SRBD1: variants seen among roughly 807,000 people sequenced by gnomAD.
SRBD1 encodes the protein S1 RNA-binding domain-containing protein 1.
Under a neutral mutation model 115.3 loss-of-function variants are expected in SRBD1, and 88 were observed. The ratio of observed to expected loss-of-function variants is 0.76; its 90% CI spans 0.64 to 0.91. The LOEUF (loss-of-function observed/expected upper bound fraction) is 0.91. Among genes scored for constraint, SRBD1 ranks in the 40% least tolerant of loss-of-function variants. The pLI, the probability that SRBD1 is intolerant of heterozygous loss-of-function variation, is 0.00. For missense variants in SRBD1, 1,385 were observed against 1,177.4 expected (o/e 1.18, Z -2.58); for synonymous variants, 509 against 407.7 (o/e 1.25, Z -2.99).
chr2:45,581,639 C>T, intron 6 of SRBD1, 54 bp downstream of exon 6: 1 of 1,380,564 alleles, frequency 7.2e-7, no homozygotes, highest in South Asian at 1.3e-5. Flanking sequence ...CATAAGAAGA[C>T]CCAAATTGCA....
At chr2:45,449,982 C>T (rs1668944179) in intron 16 of SRBD1, among the ~76,000 whole-genome samples, 2 of 152,052 alleles carry the variant, frequency 1.3e-5, no homozygotes, top group South Asian at 4.2e-4. Context: ...AACCAGGTAT[C>T]ACATACAGCT....
chr2:45,454,346 T>C (rs1027537230), intron 16 of SRBD1, among the ~76,000 whole-genome samples: 2 of 151,900 alleles, frequency 1.3e-5, no homozygotes, highest in Admixed American at 1.3e-4. Flanking sequence ...TTTATCTTTC[T>C]ATATATCACC....
chr2:45,445,078 G>A (rs1421084325), intron 16 of SRBD1, among the ~76,000 whole-genome samples: 1 of 152,174 alleles, frequency 6.6e-6, no homozygotes, highest in South Asian at 2.1e-4. Flanking sequence ...TAATCCAGTA[G>A]AAAAAGCATC....
chr2:45,474,426 G>A (rs1367040422), intron 16 of SRBD1, among the ~76,000 whole-genome samples: 2 of 152,184 alleles, frequency 1.3e-5, no homozygotes, highest in African/African-American at 4.8e-5. Flanking sequence ...GTACATGGCA[G>A]GAATTTATCT....
chr2:45,418,552 A>C lies in SRBD1; in HGVS notation c.2157-11T>G. The C allele has an allele frequency of 6.3e-7, 1 of 1,590,498 alleles. No individual in the cohort carries two copies. ...AGTCCTGCAATATGCCTAGAAAAAA[A>C]AAATAAGCAAACTGAAAAAAAGATC... On this transcript the variant is annotated splice_polypyrimidine_tract_variant and intron_variant, in intron 17 of 20. Coordinates refer to ENST00000263736, the MANE Select transcript of SRBD1 (RefSeq NM_018079.5).
chr2:45,519,168 G>A (rs1671208401), intron 14 of SRBD1, among the ~76,000 whole-genome samples: 1 of 151,888 alleles, frequency 6.6e-6, no homozygotes, highest in Non-Finnish European at 1.5e-5. Context: ...CCTGAAGGAG[G>A]GCACTAAAAA....
chr2:45,501,712 C>T (rs536423737), intron 14 of SRBD1, among the ~76,000 whole-genome samples: 21 of 152,284 alleles, frequency 1.4e-4, no homozygotes, highest in African/African-American at 4.3e-4. Flanking sequence ...AGTCTGAGAT[C>T]GAACTGCAAA....
At chr2:45,412,646 A>C (rs574956037) in intron 19 of SRBD1, among the ~76,000 whole-genome samples, 1 of 152,174 alleles carries the variant, frequency 6.6e-6, no homozygotes, top group Non-Finnish European at 1.5e-5. Context: ...CTTCTACTCA[A>C]AAACTTCCCC....
chr2:45,425,080 A>G (rs1188724192), intron 16 of SRBD1, among the ~76,000 whole-genome samples: 1 of 152,186 alleles, frequency 6.6e-6, no homozygotes, highest in African/African-American at 2.4e-5. Flanking sequence ...GCATCCTGTA[A>G]TAAAATCTCT....
chr2:45,534,877 C>G (rs1318136293), intron 14 of SRBD1, among the ~76,000 whole-genome samples: 1 of 151,874 alleles, frequency 6.6e-6, no homozygotes, highest in Non-Finnish European at 1.5e-5. Flanking sequence ...CCAGGTGGTT[C>G]AGGACAGGGG....
rs568621005 is a variant in SRBD1, at chr2:45,535,161, G to C, written c.1874+11571C>G. ...TAAAATGTTAACTAATAGGATGTTTGTGGCACACTAGAGACCTCAAACCAG... is the reference window on the plus strand; with the variant it reads ...TAAAATGTTAACTAATAGGATGTTTCTGGCACACTAGAGACCTCAAACCAG... On this transcript the variant is annotated intron_variant, in intron 14 of 20. Coordinates refer to ENST00000263736, the MANE Select transcript of SRBD1 (RefSeq NM_018079.5). 1.2e-3 allele frequency among the ~76,000 whole-genome samples: 179 copies of C among 152,004 alleles called. 1 individual carries two copies. The highest frequency in any genetic ancestry group is 4.2e-3 in the African/African-American group (174 of 41,504).
At chr2:45,574,566 C>T (rs1274489046) in intron 8 of SRBD1, 61 bp downstream of exon 8, 10 of 1,484,200 alleles carry the variant, frequency 6.7e-6, no homozygotes, top group Non-Finnish European at 9.2e-6. Context: ...TTAGCACTAA[C>T]CGTGTGACCC....
chr2:45,587,419 T>C (rs1673582706), intron 4 of SRBD1, among the ~76,000 whole-genome samples: 1 of 151,944 alleles, frequency 6.6e-6, no homozygotes. Flanking sequence ...AGAGAAAGAA[T>C]AAAATCCAAT....
chr2:45,588,045 C>T (rs1426842725), intron 4 of SRBD1, among the ~76,000 whole-genome samples: 1 of 152,224 alleles, frequency 6.6e-6, no homozygotes, highest in East Asian at 1.9e-4. Context: ...TACTCTGTCA[C>T]TGTTCTTCAT....
intron 16 of SRBD1, among the ~76,000 whole-genome samples, chr2:45,422,199 C>A (rs1294999673): frequency 6.6e-6 from 1 of 152,202 alleles, no homozygotes; most frequent in African/African-American, 2.4e-5. Context: ...TACTTCCTAG[C>A]ACATCAGATG....
chr2:45,460,755 C>G (rs1669288224), intron 16 of SRBD1, among the ~76,000 whole-genome samples: 1 of 152,130 alleles, frequency 6.6e-6, no homozygotes, highest in Admixed American at 6.5e-5. Flanking sequence ...TCAAAGATAA[C>G]TCTCTTGAAA....
chr2:45,573,829 C>A (rs1348252016), intron 8 of SRBD1, among the ~76,000 whole-genome samples: 1 of 152,136 alleles, frequency 6.6e-6, no homozygotes, highest in Admixed American at 6.5e-5. Context: ...AATTATTTTG[C>A]TTCAACTCAT....
intron 10 of SRBD1, among the ~76,000 whole-genome samples, chr2:45,556,853 G>A (rs1451496856): frequency 1.3e-5 from 2 of 152,068 alleles, no homozygotes; most frequent in Non-Finnish European, 2.9e-5. Context: ...CTACTTCATT[G>A]AATTGTTGTG....
At chr2:45,609,963 A>G (rs13398018) in intron 1 of SRBD1, among the ~76,000 whole-genome samples, 1,595 of 152,326 alleles carry the variant, frequency 0.01, 16 homozygotes, top group Non-Finnish European at 0.016. Context: ...TTAAATGAAC[A>G]TAATATGTAC....
Sources: allele counts gnomAD v4.1 joint callset (sites outside exome capture counted in the v4.1 genomes callset), GRCh38; gene constraint gnomAD v4.1.1; transcripts MANE v1.5; gene names NCBI Gene and HGNC (gene_info 2026-07-23, HGNC 2026-07-21).